The following LIG1 variants were observed in gnomAD, a reference collection of about 807,000 sequenced individuals.
The protein encoded by LIG1 is DNA ligase 1, also known as ligase I, DNA, ATP-dependent.
A neutral mutation model predicts 115.7 loss-of-function variants in LIG1; 70 were observed. The ratio of observed to expected loss-of-function variants is 0.60; its 90% CI spans 0.50 to 0.74. The LOEUF is 0.74. Among genes scored for constraint, LIG1 ranks in the 30% least tolerant of loss-of-function variants. The probability of loss-of-function intolerance (pLI) is 0.00; values close to 1 mark genes in which losing one functional copy is unlikely to be tolerated. For missense variants in LIG1, 1,115 were observed against 1,225.6 expected (o/e 0.91, Z 1.35); for synonymous variants, 487 against 495.3 (o/e 0.98, Z 0.22).
At position 48,128,037 on chromosome 19, in the gene LIG1, G is replaced by A. The variant is rs147374586; in HGVS notation, c.1822-17C>T. 1.3e-5 allele frequency: 20 copies of A among 1,592,520 alleles called. No individual in the cohort carries two copies. Among genetic ancestry groups the A allele is most frequent in the Non-Finnish European group, 1.7e-5 (20 of 1,160,448 alleles). ...GAGTTTAATCTGAAAAGTGAAGGGA[G>A]AGACCCAGGGCCTGAGAGAGGTGGA... On this transcript the variant is annotated splice_polypyrimidine_tract_variant and intron_variant, in intron 19 of 27. Coordinates refer to ENST00000263274, the MANE Select transcript of LIG1 (RefSeq NM_000234.3).
At chr19:48,120,490 A>C in intron 24 of LIG1, 1 of 985,370 alleles carries the variant, frequency 1.0e-6, no homozygotes, top group Non-Finnish European at 1.2e-6. Flanking sequence ...AAAAGACCCA[A>C]ATTTGTTGGA....
In LIG1 at chr19:48,137,070, C is replaced by A; in HGVS notation, c.1269G>T (p.Lys423Asn). The stretch of plus-strand genomic sequence containing the variant: ...CAAAGAGGCCTTTGATGATGTCTAT[C>A]TTCTTGGCTGTGGACTGGAGAGTCA... ...RLTGSASTAK[K>N]IDIIKGLFVA... Residue 423 changes from lysine (K) to asparagine (N), a missense_variant, in exon 14 of 28, where the codon AAG becomes AAT. Transcript: ENST00000263274. This position sits in a 1 kb window ranked among gnomAD's most constrained non-coding sequence, Gnocchi z 4.3. 1 of 1,612,932 alleles carries A rather than the reference C, an allele frequency of 6.2e-7. No individual in the cohort carries two copies. The highest frequency in any genetic ancestry group is 1.1e-5 in the South Asian group (1 of 90,660).
At position 48,150,698 on chromosome 19, in the gene LIG1, C is replaced by A. The variant is rs3730906; in HGVS notation, c.575-488G>T. Among the ~76,000 whole-genome samples the A allele has an allele frequency of 9.9e-5, 15 of 152,252 alleles. No individual in the cohort carries two copies. In the South Asian group the frequency reaches 2.9e-3, roughly 29 times the overall value. On this transcript the variant is annotated intron_variant, in intron 7 of 27. Coordinates refer to ENST00000263274, the MANE Select transcript of LIG1 (RefSeq NM_000234.3). ...TCTGAAAGCTATGAATACTTTTTAT[C>A]TTTTACTTTGTCTGAGGCGGGGGAG...
intron 11 of LIG1, among the ~76,000 whole-genome samples, chr19:48,141,028 G>A (rs779716151): frequency 3.7e-4 from 56 of 152,240 alleles, no homozygotes; most frequent in Admixed American, 5.9e-4. Flanking sequence ...CGGTTACAGT[G>A]GGGGAGTAAC....
intron 9 of LIG1, among the ~76,000 whole-genome samples, chr19:48,145,259 T>C (rs778195630): frequency 2.0e-5 from 3 of 152,176 alleles, no homozygotes; most frequent in Non-Finnish European, 4.4e-5. Flanking sequence ...TTCAGACTCA[T>C]CTGGGTTCCA....
intron 17 of LIG1, chr19:48,133,439 GT>G: frequency 5.6e-6 from 2 of 359,134 alleles, no homozygotes; most frequent in South Asian, 5.3e-5. Flanking sequence ...AGACATTGGG[GT>G]GACAACCTTT....
Position 48,144,660 on chromosome 19 carries a change from C to G in LIG1, c.777-697G>C, listed in dbSNP as rs145456032. Among the ~76,000 whole-genome samples, 640 of 152,200 alleles carry G rather than the reference C, an allele frequency of 4.2e-3. 1 individual carries two copies. Among genetic ancestry groups the G allele is most frequent in the Middle Eastern group, 0.027 (8 of 294 alleles). ...GGGATTACAGGCGTACACGACCACA[C>G]CTGGCTGATTTTTTTGTATTTTCAG... On this transcript the variant is annotated intron_variant, in intron 9 of 27. Transcript: ENST00000263274.
chr19:48,133,925 G>T, intron 17 of LIG1, 56 bp downstream of exon 17: 3 of 1,452,438 alleles, frequency 2.1e-6, no homozygotes, highest in South Asian at 1.2e-5. Flanking sequence ...CCCTCACGCC[G>T]ACTCAGGAGG....
intron 1 of LIG1, among the ~76,000 whole-genome samples, chr19:48,168,558 C>T (rs1262523616): frequency 6.6e-6 from 1 of 152,186 alleles, no homozygotes; most frequent in African/African-American, 2.4e-5. Flanking sequence ...CACAGAGACC[C>T]TCACAGGTGG....
In LIG1 at chr19:48,127,321, G is replaced by A; in HGVS notation, c.1960C>T (p.Gln654Ter). 1 of 1,613,774 alleles carries A rather than the reference G, an allele frequency of 6.2e-7. No individual in the cohort carries two copies. The highest frequency in any genetic ancestry group is 1.1e-5 in the South Asian group (1 of 91,090). ...KEVDASEIQV[Q>*]VCLYAFDLIY... is the part of the protein sequence containing the mutation. ...AGGTCGAAGGCGTACAAACACACCT[G>A]CACCTGGATCTCAGACGCATCCACC... is the stretch of plus-strand genomic sequence containing the variant. The change falls in exon 21 of 28, where the codon CAG becomes TAG. Residue 654 changes from glutamine (Q) to a stop codon, truncating the protein, a stop_gained. Coordinates refer to ENST00000263274, the MANE Select transcript of LIG1 (RefSeq NM_000234.3). LOFTEE classifies it high-confidence loss of function.
At chr19:48,169,233 C>A (rs1286270578) in intron 1 of LIG1, among the ~76,000 whole-genome samples, 1 of 152,126 alleles carries the variant, frequency 6.6e-6, no homozygotes, top group African/African-American at 2.4e-5. Context: ...GGGAACTGTT[C>A]TATATCACAA....
At chr19:48,147,072 C>T (rs751637261) in intron 9 of LIG1, among the ~76,000 whole-genome samples, 1 of 152,210 alleles carries the variant, frequency 6.6e-6, no homozygotes, top group Non-Finnish European at 1.5e-5. Context: ...CCTCCGAACA[C>T]TTTTTTGTTA....
rs771375863 is a variant in LIG1, at chr19:48,140,051, T to C, written c.1007A>G (p.Asn336Ser). The C allele has an allele frequency of 2.2e-5, 36 of 1,613,828 alleles. No individual in the cohort carries two copies. Among genetic ancestry groups the C allele is most frequent in the Admixed American group, 5.0e-5 (3 of 59,990 alleles). The change falls in exon 12 of 28, where the codon AAC becomes AGC. Residue 336 changes from asparagine to serine, a missense_variant. Asn to Ser is a conservative substitution (Grantham distance 46). Coordinates refer to ENST00000263274, the MANE Select transcript of LIG1 (RefSeq NM_000234.3). ...DLLPVLYLSL[N>S]HLGPPQQGLE... ...GCCCTGCTGGGGTGGCCCAAGGTGG[T>C]TGAGGCTGAGGTAGAGGACAGGGAG...
At chr19:48,154,250 C>A (rs2035694402) in intron 5 of LIG1, 1 of 410,834 alleles carries the variant, frequency 2.4e-6, no homozygotes, top group Non-Finnish European at 4.6e-6. Context: ...GTACTTGGCA[C>A]AGTACCGATT....
intron 24 of LIG1, 65 bp downstream of exon 24, chr19:48,121,105 A>G (rs545891001): frequency 6.2e-7 from 1 of 1,613,006 alleles, no homozygotes; most frequent in Admixed American, 1.7e-5. Context: ...GTGCAATAGG[A>G]AATACCCCCG....
rs368075807 is a variant in LIG1, at chr19:48,136,042, G to C, written c.1415C>G (p.Pro472Arg). Residue 472 changes from proline (P) to arginine (R), a missense_variant, in exon 15 of 28, where the codon CCG (proline) becomes CGG (arginine). Physicochemically the swap from Pro to Arg is moderately radical, Grantham distance 103 (BLOSUM62 -2). Coordinates refer to ENST00000263274, the MANE Select transcript of LIG1 (RefSeq NM_000234.3). ...ALSQAVSLTP[P>R]GQEFPPAMVD... ...GGGCCACAGGAGCTCACCTTGGCCC[G>C]GGGGCGTGAGGCTCACTGCCTGGGA... 1.9e-6 allele frequency: 3 copies of C among 1,563,182 alleles called. No homozygotes were observed. Among genetic ancestry groups the C allele is most frequent in the Non-Finnish European group, 2.6e-6 (3 of 1,154,198 alleles).
rs111850547 is a variant in LIG1 at position 48,147,926 on chromosome 19, A to T, written c.776+1837T>A. Among the ~76,000 whole-genome samples the T allele has an allele frequency of 3.3e-5, 5 of 152,282 alleles. 1 individual carries two copies. The highest frequency in any genetic ancestry group is 1.2e-4 in the African/African-American group (5 of 41,570). On this transcript the variant is annotated intron_variant, in intron 9 of 27. Coordinates refer to ENST00000263274, the MANE Select transcript of LIG1 (RefSeq NM_000234.3). ...GTGCTGGGAGCTAGGCAAGAAGACT[A>T]AGAAGGCTGGGACCTCCCACAGCCC...
chr19:48,136,518 G>A (rs1381179196), intron 14 of LIG1, among the ~76,000 whole-genome samples: 1 of 152,162 alleles, frequency 6.6e-6, no homozygotes. Flanking sequence ...GGAGACAAGT[G>A]GCTTAGTTTG....
intron 4 of LIG1, among the ~76,000 whole-genome samples, chr19:48,161,005 G>C (rs1256529473): frequency 1.3e-5 from 2 of 152,144 alleles, no homozygotes. Flanking sequence ...CCAACGTGCT[G>C]GGATTACAGA....
Sources: allele counts gnomAD v4.1 joint callset (sites outside exome capture counted in the v4.1 genomes callset), GRCh38; gene constraint gnomAD v4.1.1; non-coding constraint Gnocchi (gnomAD v3.1); transcripts MANE v1.5; gene names NCBI Gene and HGNC (gene_info 2026-07-23, HGNC 2026-07-21).